Variants in NR6A1 observed in about 807,000 individuals in gnomAD.
NR6A1 encodes retinoic acid receptor-related testis-associated receptor.
NR6A1 carries 7 observed loss-of-function variants against 59.1 expected under a neutral mutation model. That is an observed-to-expected ratio of 0.12 (90% confidence interval 0.07 to 0.22). The LOEUF (loss-of-function observed/expected upper bound fraction) is 0.22, where lower values mean the gene tolerates loss of function less well. Among genes scored for constraint, NR6A1 ranks in the 10% least tolerant of loss-of-function variants. The pLI, the probability that NR6A1 is intolerant of heterozygous loss-of-function variation, is 1.00. For synonymous variants in NR6A1, 243 were observed against 236.1 expected (o/e 1.03, Z -0.27); for missense variants, 468 against 611.6 (o/e 0.77, Z 2.48).
chr9:124,566,399 A>T (rs1224439058), intron 2 of NR6A1, among the ~76,000 whole-genome samples: 1 of 152,220 alleles, frequency 6.6e-6, no homozygotes, highest in East Asian at 1.9e-4. Context: ...TTTCATAATT[A>T]AAAAGCTGAA....
At chr9:124,763,847 C>T (rs1840847901) in intron 1 of NR6A1, among the ~76,000 whole-genome samples, 1 of 152,180 alleles carries the variant, frequency 6.6e-6, no homozygotes, top group Admixed American at 6.5e-5. Context: ...CTTCATACAG[C>T]TTCATGATTG....
intron 2 of NR6A1, among the ~76,000 whole-genome samples, chr9:124,662,122 T>G (rs1307992649): frequency 6.6e-6 from 1 of 152,030 alleles, no homozygotes; most frequent in East Asian, 1.9e-4. Flanking sequence ...CCAGGTCCAT[T>G]TTTTTCCCCC....
At position 124,538,140 on chromosome 9, in the gene NR6A1, G is replaced by A; in HGVS notation, c.776C>T (p.Ser259Leu). Residue 259 changes from serine to leucine, a missense_variant, in exon 6 of 10, where the codon TCA becomes TTA. Coordinates refer to ENST00000487099, the MANE Select transcript of NR6A1 (RefSeq NM_033334.4). The part of the protein sequence containing the change: ...QSYSLIHQLL[S>L]AEDLEPLGTP... Reference sequence around the variant, plus strand: ...GCCCAATGGTTCCAGGTCCTCGGCTGATAACAGCTGGTGAATCAGACTGTA... The same window carrying A: ...GCCCAATGGTTCCAGGTCCTCGGCTAATAACAGCTGGTGAATCAGACTGTA... 1 of 1,614,152 alleles carries A rather than the reference G, an allele frequency of 6.2e-7. No individual in the cohort carries two copies. Among genetic ancestry groups the A allele is most frequent in the Non-Finnish European group, 8.5e-7 (1 of 1,179,990 alleles).
intron 2 of NR6A1, among the ~76,000 whole-genome samples, chr9:124,611,536 GAC>G (rs1440422506): frequency 2.0e-5 from 3 of 151,998 alleles, no homozygotes; most frequent in African/African-American, 7.3e-5. Flanking sequence ...AGAAGTTTGA[GAC>G]CAGCCTGGGC....
At chr9:124,679,020 C>T (rs1838043672) in intron 2 of NR6A1, among the ~76,000 whole-genome samples, 1 of 152,120 alleles carries the variant, frequency 6.6e-6, no homozygotes, top group Non-Finnish European at 1.5e-5. Context: ...CTAAGCAACA[C>T]AGCAAGACCC....
Position 124,520,908 on chromosome 9 carries a change from T to G in NR6A1, c.*1797A>C, listed in dbSNP as rs943746550. ...GGCATTGAGGAGTAATGTTCCGAGT[T>G]TTAGATCCATCAAGGGCCAAAATCA... On this transcript the variant is annotated 3_prime_UTR_variant, in exon 10 of 10. Transcript: ENST00000487099. 2 of 152,184 alleles carry G rather than the reference T, an allele frequency of 1.3e-5. No individual in the cohort carries two copies. Among genetic ancestry groups the G allele is most frequent in the Non-Finnish European group, 2.9e-5 (2 of 68,026 alleles). 9.4% of individuals were successfully genotyped at this position (152,184 alleles called of 1,614,324 possible).
chr9:124,763,382 T>G (rs1840835040), intron 1 of NR6A1, among the ~76,000 whole-genome samples: 2 of 152,210 alleles, frequency 1.3e-5, no homozygotes, highest in African/African-American at 4.8e-5. Flanking sequence ...AGTGTAAATG[T>G]CAATACAGTA....
rs188300059 is a variant in NR6A1, at chr9:124,580,553, T to C, written c.143-25983A>G. The stretch of plus-strand genomic sequence containing the variant: ...AACAAAGCTGGGCCAGGCGTGGTGG[T>C]TCACACCTGTAATCCCAGCACTCTG... On this transcript the variant is annotated intron_variant, in intron 2 of 9. Coordinates refer to ENST00000487099, the MANE Select transcript of NR6A1 (RefSeq NM_033334.4). 1.1e-3 allele frequency among the ~76,000 whole-genome samples: 165 copies of C among 152,202 alleles called. 3 individuals carry two copies. Among genetic ancestry groups the C allele is most frequent in the South Asian group, 7.5e-3 (36 of 4,818 alleles).
At chr9:124,527,802 C>T (rs1832982705) in intron 7 of NR6A1, among the ~76,000 whole-genome samples, 1 of 152,160 alleles carries the variant, frequency 6.6e-6, no homozygotes, top group Non-Finnish European at 1.5e-5. Flanking sequence ...GGCAACGGAG[C>T]CCCAGGCTAG....
chr9:124,639,040 A>G (rs985282319), intron 2 of NR6A1, among the ~76,000 whole-genome samples: 2 of 152,202 alleles, frequency 1.3e-5, no homozygotes. Flanking sequence ...AATAGTTAAC[A>G]CAATTGAGCA....
At chr9:124,555,868 T>C (rs961650235) in intron 2 of NR6A1, among the ~76,000 whole-genome samples, 6 of 152,232 alleles carry the variant, frequency 3.9e-5, no homozygotes, top group Admixed American at 2.0e-4. Context: ...CAGCTATTAT[T>C]TTCATTATTA....
intron 2 of NR6A1, 112 bp from the exon 3 acceptor site, chr9:124,554,682 A>C (rs974485433): frequency 7.4e-7 from 1 of 1,347,110 alleles, no homozygotes; most frequent in Admixed American, 2.0e-5. Flanking sequence ...TCCAGGCTAA[A>C]GGGCAAACAG....
In NR6A1 at chr9:124,652,043, G is replaced by A. The variant is rs149617635; in HGVS notation, c.142+81265C>T. On this transcript the variant is annotated intron_variant, in intron 2 of 9. Transcript: ENST00000487099. The stretch of plus-strand genomic sequence containing the variant: ...AACAAATCTGAGCTAGTTAAAAAAG[G>A]AAACCAGCAGAAGACTAACCTCCTG... Among the ~76,000 whole-genome samples the A allele has an allele frequency of 7.6e-3, 1,153 of 152,272 alleles. 8 individuals are homozygous for A. The highest frequency in any genetic ancestry group is 0.014 in the Middle Eastern group (4 of 294).
At chr9:124,684,344 A>T (rs1838261528) in intron 2 of NR6A1, among the ~76,000 whole-genome samples, 1 of 152,118 alleles carries the variant, frequency 6.6e-6, no homozygotes, top group Admixed American at 6.5e-5. Flanking sequence ...TATCACACTG[A>T]GTGTTCACAA....
chr9:124,708,238 A>C (rs1218540526), intron 2 of NR6A1, among the ~76,000 whole-genome samples: 1 of 151,998 alleles, frequency 6.6e-6, no homozygotes, highest in Non-Finnish European at 1.5e-5. Context: ...CAAATCAAGA[A>C]AGCTCCCTCC....
chr9:124,652,412 T>C (rs1187007962), intron 2 of NR6A1, among the ~76,000 whole-genome samples: 3 of 152,170 alleles, frequency 2.0e-5, no homozygotes, highest in Non-Finnish European at 4.4e-5. Context: ...TCATTTCCTC[T>C]CTCTGAGCCT....
chr9:124,624,110 A>C (rs922575773), intron 2 of NR6A1, among the ~76,000 whole-genome samples: 1 of 152,194 alleles, frequency 6.6e-6, no homozygotes, highest in Non-Finnish European at 1.5e-5. Context: ...GGAGTACTAC[A>C]AGCTCTTAAC....
intron 2 of NR6A1, among the ~76,000 whole-genome samples, chr9:124,564,690 T>C (rs1197327126): frequency 6.6e-6 from 1 of 151,900 alleles, no homozygotes; most frequent in Admixed American, 6.6e-5. Flanking sequence ...TCTGTGTGTG[T>C]GTGTGTGTGT....
At chr9:124,710,987 T>C (rs1165463545) in intron 2 of NR6A1, among the ~76,000 whole-genome samples, 1 of 152,118 alleles carries the variant, frequency 6.6e-6, no homozygotes, top group Non-Finnish European at 1.5e-5. Flanking sequence ...ATCCTTATTT[T>C]GAAATTTTCC....
Sources: allele counts gnomAD v4.1 joint callset (sites outside exome capture counted in the v4.1 genomes callset), GRCh38; gene constraint gnomAD v4.1.1; transcripts MANE v1.5; gene names NCBI Gene and HGNC (gene_info 2026-07-23, HGNC 2026-07-21).